The following NRXN1 variants were observed in gnomAD, a reference collection of about 807,000 sequenced individuals.
The protein encoded by NRXN1 is neurexin 1.
Under a neutral mutation model 150.9 loss-of-function variants are expected in NRXN1, and 39 were observed. That is an observed-to-expected ratio of 0.26 (90% CI 0.20 to 0.34). The LOEUF is 0.34. Among genes scored for constraint, NRXN1 ranks in the 10% least tolerant of loss-of-function variants. The probability of loss-of-function intolerance (pLI) is 1.00; values close to 1 mark genes in which losing one functional copy is unlikely to be tolerated. For synonymous variants in NRXN1, 924 were observed against 757.0 expected, an observed-to-expected ratio of 1.22 and a Z score of -3.62; for missense variants, 1,815 against 1,949.9, an observed-to-expected ratio of 0.93 and a Z score of 1.30.
At chr2:50,692,780 C>T (rs903706776) in intron 5 of NRXN1, among the ~76,000 whole-genome samples, 1 of 152,060 alleles carries the variant, frequency 6.6e-6, no homozygotes, top group African/African-American at 2.4e-5. Context: ...CCCCTCTGAT[C>T]TGTTCTTGTC....
chr2:50,254,807 A>T (rs556146628), intron 17 of NRXN1, among the ~76,000 whole-genome samples: 32 of 151,468 alleles, frequency 2.1e-4, no homozygotes, highest in African/African-American at 6.8e-4. Flanking sequence ...ATCCACATTT[A>T]TTTTTTTTGT....
intron 2 of NRXN1, among the ~76,000 whole-genome samples, chr2:50,965,801 G>A (rs1417199321): frequency 7.9e-5 from 12 of 151,526 alleles, no homozygotes; most frequent in East Asian, 1.9e-4. Flanking sequence ...TAAAGGAAAC[G>A]CTTAAAATTT....
chr2:49,941,437 G>A (rs1049046895), intron 22 of NRXN1, among the ~76,000 whole-genome samples: 1 of 151,598 alleles, frequency 6.6e-6, no homozygotes, highest in Non-Finnish European at 1.5e-5. Context: ...TGTCACCAGA[G>A]CAAAAGACAG....
intron 5 of NRXN1, among the ~76,000 whole-genome samples, chr2:50,865,700 G>A (rs1435118281): frequency 1.8e-5 from 2 of 109,958 alleles, no homozygotes; most frequent in Non-Finnish European, 3.6e-5. Flanking sequence ...GGTGGGGGTA[G>A]TAGCACCTGG....
At chr2:50,611,540 G>A (rs1427485930) in intron 8 of NRXN1, among the ~76,000 whole-genome samples, 1 of 152,164 alleles carries the variant, frequency 6.6e-6, no homozygotes, top group Non-Finnish European at 1.5e-5. Context: ...GAGTGTCTAT[G>A]GCAAGGTGCC....
intron 17 of NRXN1, among the ~76,000 whole-genome samples, chr2:50,319,626 T>C (rs2075864566): frequency 6.6e-6 from 1 of 152,126 alleles, no homozygotes; most frequent in Non-Finnish European, 1.5e-5. Context: ...CAGGCATTCA[T>C]TAGCTCTCAT....
intron 5 of NRXN1, among the ~76,000 whole-genome samples, chr2:50,761,519 T>C (rs748431956): frequency 4.6e-5 from 7 of 151,934 alleles, no homozygotes; most frequent in South Asian, 2.1e-4. Flanking sequence ...CCATGTGGAA[T>C]TGTGAGTTCA....
At chr2:50,247,024 A>T in intron 17 of NRXN1, among the ~76,000 whole-genome samples, 1 of 151,906 alleles carries the variant, frequency 6.6e-6, no homozygotes, top group Non-Finnish European at 1.5e-5. Flanking sequence ...ATACCATAAG[A>T]CTCCTGATTC....
chr2:50,076,509 T>C (rs546153054), intron 19 of NRXN1, among the ~76,000 whole-genome samples: 8 of 152,352 alleles, frequency 5.3e-5, no homozygotes, highest in Non-Finnish European at 1.0e-4. Context: ...CCCCACTTTT[T>C]AGATTAGGAA....
chr2:50,614,966 G>A lies in NRXN1; in HGVS notation c.1320+5056C>T, dbSNP rs565810962. 2.6e-5 allele frequency among the ~76,000 whole-genome samples: 4 copies of A among 152,218 alleles called. No individual in the cohort carries two copies. The South Asian group carries it at 8.3e-4, about 32-fold the overall frequency. ...TTCATATGGCAGAGGAGATCACACAGATTTCATTAAGGAATCAATCATTTT... is the reference window on the plus strand; with the variant it reads ...TTCATATGGCAGAGGAGATCACACAAATTTCATTAAGGAATCAATCATTTT... On this transcript the variant is annotated intron_variant, in intron 8 of 22. Transcript: ENST00000401669.
intron 2 of NRXN1, among the ~76,000 whole-genome samples, chr2:51,023,024 C>G (rs1029435068): frequency 1.3e-5 from 2 of 152,148 alleles, no homozygotes; most frequent in African/African-American, 4.8e-5. Flanking sequence ...TCTGAACAAT[C>G]AATGGCCTTA....
At chr2:50,345,207 C>T (rs1289142905) in intron 17 of NRXN1, among the ~76,000 whole-genome samples, 3 of 152,180 alleles carry the variant, frequency 2.0e-5, no homozygotes, top group Non-Finnish European at 2.9e-5. Context: ...GAGAAAGGAA[C>T]AAATTCCTAG....
chr2:50,944,810 AC>A (rs1690065463), intron 2 of NRXN1, among the ~76,000 whole-genome samples: 1 of 152,154 alleles, frequency 6.6e-6, no homozygotes, highest in Non-Finnish European at 1.5e-5. Flanking sequence ...GCAATAATTA[AC>A]CCTGTGCTTG....
intron 5 of NRXN1, among the ~76,000 whole-genome samples, chr2:50,849,948 G>A (rs943181228): frequency 6.6e-5 from 10 of 152,042 alleles, no homozygotes; most frequent in African/African-American, 1.7e-4. Context: ...GCTCATACCT[G>A]TAATCCCAAC....
chr2:50,274,907 G>C (rs2070235871), intron 17 of NRXN1, among the ~76,000 whole-genome samples: 1 of 152,144 alleles, frequency 6.6e-6, no homozygotes, highest in Non-Finnish European at 1.5e-5. Context: ...CTGTACAACA[G>C]ATTTTCTCTG....
chr2:50,411,422 G>C (rs1487252235), intron 17 of NRXN1, among the ~76,000 whole-genome samples: 1 of 152,184 alleles, frequency 6.6e-6, no homozygotes, highest in Non-Finnish European at 1.5e-5. Context: ...AAAGTGCCGA[G>C]ATTGCAGCCT....
chr2:50,787,817 A>G (rs1436029124), intron 5 of NRXN1, among the ~76,000 whole-genome samples: 1 of 151,862 alleles, frequency 6.6e-6, no homozygotes, highest in Non-Finnish European at 1.5e-5. Flanking sequence ...AGAGGTAAGG[A>G]CTGCTTTTGG....
intron 2 of NRXN1, among the ~76,000 whole-genome samples, chr2:50,963,049 A>G (rs1693465068): frequency 6.6e-6 from 1 of 151,678 alleles, no homozygotes; most frequent in East Asian, 1.9e-4. Context: ...AAGAAACTCT[A>G]TTTCCTTCAC....
chr2:50,537,093 A>G (rs1573450866), intron 10 of NRXN1, among the ~76,000 whole-genome samples: 1 of 152,166 alleles, frequency 6.6e-6, no homozygotes, highest in Non-Finnish European at 1.5e-5. Flanking sequence ...CCTCCTTTTT[A>G]AGATAAATAA....
Sources: gnomAD v4.1 joint callset for allele counts (sites outside exome capture counted in the v4.1 genomes callset) on GRCh38, gnomAD v4.1.1 for gene constraint, MANE v1.5 for transcripts, NCBI Gene and HGNC (gene_info 2026-07-23, HGNC 2026-07-21) for gene names.